Variants in SLC39A8 observed in about 807,000 individuals in gnomAD.
SLC39A8 encodes the protein metal cation symporter ZIP8.
SLC39A8 carries 15 observed loss-of-function variants against 40.4 expected under a neutral mutation model. The observed-to-expected ratio is 0.37, with a 90% confidence interval of 0.25 to 0.57. The LOEUF is 0.57. Ranked by LOEUF, SLC39A8 falls within the 20% of genes least tolerant of loss-of-function variation. The probability of loss-of-function intolerance (pLI) is 0.75; values close to 1 mark genes in which losing one functional copy is unlikely to be tolerated. For missense variants in SLC39A8, 472 were observed against 558.8 expected (o/e 0.84, Z 1.57); for synonymous variants, 223 against 221.6 (o/e 1.01, Z -0.06).
intron 6 of SLC39A8, among the ~76,000 whole-genome samples, chr4:102,298,605 G>A (rs1733776831): frequency 6.6e-6 from 1 of 152,032 alleles, no homozygotes; most frequent in Admixed American, 6.6e-5. Context: ...GTCTTTTAGT[G>A]AAATAGTGCA....
chr4:102,255,939 C>A (rs953542442), intron 11 of SLC39A8, among the ~76,000 whole-genome samples: 1 of 152,164 alleles, frequency 6.6e-6, no homozygotes, highest in African/African-American at 2.4e-5. Context: ...CACGTGCATC[C>A]TTCTACGAAA....
At chr4:102,333,185 T>C (rs1415458198) in intron 2 of SLC39A8, among the ~76,000 whole-genome samples, 1 of 152,006 alleles carries the variant, frequency 6.6e-6, no homozygotes, top group East Asian at 1.9e-4. Flanking sequence ...AATGTGTATA[T>C]ATATACATAT....
Position 102,273,919 on chromosome 4 carries a change from G to A in SLC39A8, c.841-5840C>T, listed in dbSNP as rs72924837. Among the ~76,000 whole-genome samples the A allele has an allele frequency of 3.1e-3, 466 of 152,064 alleles. 3 individuals are homozygous for A. The highest frequency in any genetic ancestry group is 0.011 in the African/African-American group (448 of 41,486). On this transcript the variant is annotated intron_variant, in intron 6 of 8. Transcript: ENST00000356736. ...TAGCATCAACATCAACAAAAAGAAC[G>A]GCCACTCAAAAACTCCATCTGAAGG...
At chr4:102,264,903 T>C (rs1170878265) in intron 8 of SLC39A8, among the ~76,000 whole-genome samples, 2 of 152,204 alleles carry the variant, frequency 1.3e-5, no homozygotes, top group Non-Finnish European at 2.9e-5. Flanking sequence ...TTGAAGAGAG[T>C]TATTCCTTGC....
At chr4:102,345,017 C>G (rs1052165566) in intron 1 of SLC39A8, 102 bp from the exon 2 acceptor site, 2 of 692,310 alleles carry the variant, frequency 2.9e-6, no homozygotes, top group Admixed American at 5.5e-5. Context: ...AACGCCCGGC[C>G]GGGCATGGGG....
At chr4:102,273,021 T>G (rs1474957414) in intron 6 of SLC39A8, among the ~76,000 whole-genome samples, 14 of 152,114 alleles carry the variant, frequency 9.2e-5, no homozygotes, top group Admixed American at 9.2e-4. Context: ...TGGGTGGTTG[T>G]TTGGGCAGAC....
Position 102,315,726 on chromosome 4 carries a change from C to T in SLC39A8, c.324G>A (p.Leu108=). Residue 108 remains leucine, a synonymous_variant, in exon 3 of 9, where the codon TTG becomes TTA. Transcript: ENST00000356736. The stretch of plus-strand genomic sequence containing the variant: ...GCCGATCCTCACATGGGTGAAAGTT[C>T]AATTGCTGTAAGACTGCTGGACAGA... The part of the protein sequence containing the change: ...SVICPAVLQQ[L]NFHPCEDRPK... 6.2e-7 allele frequency: 1 copy of T among 1,612,874 alleles called. No homozygotes were observed. Among genetic ancestry groups the T allele is most frequent in the Non-Finnish European group, 8.5e-7 (1 of 1,179,408 alleles).
At chr4:102,257,716 G>A (rs1731739858), downstream of SLC39A8, among the ~76,000 whole-genome samples, 1 of 152,180 alleles carries the variant, frequency 6.6e-6, no homozygotes, top group African/African-American at 2.4e-5. Context: ...AATGCACGAA[G>A]TCCCATCACC....
chr4:102,322,103 C>T (rs971988843), intron 2 of SLC39A8, among the ~76,000 whole-genome samples: 5 of 152,176 alleles, frequency 3.3e-5, no homozygotes, highest in African/African-American at 4.8e-5. Context: ...TGGGAACTGC[C>T]TTCCATGTGA....
intron 11 of SLC39A8, among the ~76,000 whole-genome samples, chr4:102,253,581 T>C (rs1731640516): frequency 6.6e-6 from 1 of 152,136 alleles, no homozygotes; most frequent in African/African-American, 2.4e-5. Context: ...TTGAAGAAAA[T>C]TGGAAAGCAT....
chr4:102,270,542 GT>G (rs1732304762), intron 6 of SLC39A8, among the ~76,000 whole-genome samples: 1 of 151,882 alleles, frequency 6.6e-6, no homozygotes, highest in African/African-American at 2.4e-5. Flanking sequence ...TTAAATTTTT[GT>G]TTTCTATTGT....
chr4:102,332,592 G>A (rs530570493), intron 2 of SLC39A8, among the ~76,000 whole-genome samples: 1 of 152,354 alleles, frequency 6.6e-6, no homozygotes, highest in South Asian at 2.1e-4. Flanking sequence ...CAACCATTGG[G>A]AAAGACAGTG....
intron 6 of SLC39A8, among the ~76,000 whole-genome samples, chr4:102,304,026 A>G (rs1734024799): frequency 6.6e-6 from 1 of 151,912 alleles, no homozygotes; most frequent in African/African-American, 2.4e-5. Context: ...AAATTTTGCT[A>G]TATAATATTG....
intron 8 of SLC39A8, among the ~76,000 whole-genome samples, chr4:102,265,625 G>A (rs151396): frequency 0.72 from 108,967 of 151,886 alleles, 39,565 homozygotes; most frequent in Non-Finnish European, 0.78. Context: ...TCAAAGCAAT[G>A]TGCAATAAAA....
At chr4:102,255,320 T>C (rs189911457) in intron 11 of SLC39A8, among the ~76,000 whole-genome samples, 1 of 152,320 alleles carries the variant, frequency 6.6e-6, no homozygotes, top group Non-Finnish European at 1.5e-5. Flanking sequence ...TAGAATAACT[T>C]GGGTAACTTA....
In SLC39A8 at chr4:102,262,133, AT is replaced by A. The variant is rs1385444273; in HGVS notation, c.*910del. On this transcript the variant is annotated 3_prime_UTR_variant, in exon 9 of 9. Coordinates refer to ENST00000356736, the MANE Select transcript of SLC39A8 (RefSeq NM_001135146.2). ...TACAGCAGTCCAGCTGTTGTTTTGC[AT>A]TTATTAAAATATTCTCTGCTAAATA... is the stretch of plus-strand genomic sequence containing the variant. 4 of 985,732 alleles carry A rather than the reference AT, an allele frequency of 4.1e-6. No homozygotes were observed. In the African/African-American group the frequency reaches 7.0e-5, roughly 17 times the overall value. The allele number at this position is 985,732 out of a possible 1,614,324, so 61.1% of individuals were successfully genotyped here.
chr4:102,272,524 C>T (rs1732413385), intron 6 of SLC39A8, among the ~76,000 whole-genome samples: 2 of 152,084 alleles, frequency 1.3e-5, no homozygotes, highest in African/African-American at 4.8e-5. Context: ...AGGAGAGTTA[C>T]AGTGAGCTAT....
At chr4:102,276,938 C>A (rs552379236) in intron 6 of SLC39A8, among the ~76,000 whole-genome samples, 12 of 152,170 alleles carry the variant, frequency 7.9e-5, no homozygotes, top group Admixed American at 5.2e-4. Context: ...AAATTCAACA[C>A]CCTTTCAAGC....
At chr4:102,301,950 G>A (rs1427600857) in intron 6 of SLC39A8, among the ~76,000 whole-genome samples, 1 of 152,044 alleles carries the variant, frequency 6.6e-6, no homozygotes, top group Non-Finnish European at 1.5e-5. Flanking sequence ...ACATTTAGCA[G>A]CTAGTTTATC....
Sources: allele counts gnomAD v4.1 joint callset (sites outside exome capture counted in the v4.1 genomes callset), GRCh38; gene constraint gnomAD v4.1.1; transcripts MANE v1.5; gene names NCBI Gene and HGNC (gene_info 2026-07-23, HGNC 2026-07-21).